PDS5A: variants seen among roughly 807,000 people sequenced by gnomAD.
PDS5A encodes PDS5 cohesin associated factor A.
Under a neutral mutation model 167.1 loss-of-function variants are expected in PDS5A, and 42 were observed. The observed-to-expected ratio is 0.25, with a 90% confidence interval of 0.20 to 0.33. PDS5A has a LOEUF of 0.33. PDS5A is among the 10% of genes least tolerant of loss of function. The probability of loss-of-function intolerance (pLI) is 1.00; values close to 1 mark genes in which losing one functional copy is unlikely to be tolerated. For synonymous variants in PDS5A, 553 were observed against 554.6 expected (o/e 1.00, Z 0.04); for missense variants, 1,033 against 1,605.9 (o/e 0.64, Z 6.10).
chr4:39,943,997 G>A (rs957948701), intron 2 of PDS5A, among the ~76,000 whole-genome samples: 42 of 151,594 alleles, frequency 2.8e-4, no homozygotes, highest in Non-Finnish European at 5.2e-4. Context: ...CTAACACAGT[G>A]AAACCCCATC....
chr4:39,974,320 G>T, intron 2 of PDS5A: 2 of 522,576 alleles, frequency 3.8e-6, no homozygotes, highest in Non-Finnish European at 7.7e-6. Flanking sequence ...TGTCAACAGA[G>T]CGGTTGCTAA....
At chr4:39,948,210 CAAAA>C (rs35177594) in intron 2 of PDS5A, among the ~76,000 whole-genome samples, 1 of 96,458 alleles carries the variant, frequency 1.0e-5, no homozygotes, top group Non-Finnish European at 2.0e-5. Context: ...TATCCCGTCT[CAAAA>C]AAAAAAAAAA....
At chr4:39,930,011 C>T (rs1352479699) in intron 2 of PDS5A, among the ~76,000 whole-genome samples, 4 of 150,172 alleles carry the variant, frequency 2.7e-5, no homozygotes, top group Admixed American at 6.7e-5. Flanking sequence ...GTCAGAAGAT[C>T]GAGACCATCC....
At chr4:39,832,966 G>A (rs1445130167) in intron 32 of PDS5A, among the ~76,000 whole-genome samples, 1 of 151,216 alleles carries the variant, frequency 6.6e-6, no homozygotes, top group African/African-American at 2.4e-5. Flanking sequence ...GACCAGTCTG[G>A]CCAACATAGT....
intron 2 of PDS5A, among the ~76,000 whole-genome samples, chr4:39,928,963 G>GA (rs980970867): frequency 3.3e-5 from 5 of 151,464 alleles, no homozygotes; most frequent in South Asian, 2.1e-4. Context: ...AAAGAATCAT[G>GA]AAAAAAAATA....
chr4:39,837,610 T>C lies in PDS5A; in HGVS notation c.4010+246A>G, dbSNP rs532305402. The stretch of plus-strand genomic sequence containing the variant: ...GAAATATTTGTCTTGTTAATAAAAA[T>C]AGAAATATCAAAATACCATATCCTA... On this transcript the variant is annotated intron_variant, in intron 32 of 32. Transcript: ENST00000303538. The C allele has an allele frequency of 7.6e-5, 32 of 422,504 alleles. No individual in the cohort carries two copies. The South Asian group carries it at 1.5e-3, about 19-fold the overall frequency. 26.2% of individuals were successfully genotyped at this position (422,504 alleles called of 1,614,324 possible).
intron 6 of PDS5A, 136 bp downstream of exon 6, chr4:39,922,486 T>C (rs1437513354): frequency 1.6e-6 from 1 of 641,698 alleles, no homozygotes; most frequent in Non-Finnish European, 2.3e-6. Context: ...GACTAATGCA[T>C]GTTATTTTAT....
At chr4:39,929,540 T>C (rs1331047588) in intron 2 of PDS5A, among the ~76,000 whole-genome samples, 79 of 98,606 alleles carry the variant, frequency 8.0e-4, no homozygotes, top group Middle Eastern at 5.8e-3. Context: ...TATATATATA[T>C]ATATATATAT....
intron 23 of PDS5A, among the ~76,000 whole-genome samples, chr4:39,864,452 T>C (rs971742988): frequency 1.2e-4 from 18 of 152,332 alleles, no homozygotes; most frequent in African/African-American, 4.1e-4. Context: ...ACTGTGGATT[T>C]TTATTACTTA....
chr4:39,956,567 C>T (rs114920563), intron 2 of PDS5A, among the ~76,000 whole-genome samples: 5,087 of 149,396 alleles, frequency 0.034, 214 homozygotes, highest in East Asian at 0.23. Flanking sequence ...AGCTATACAA[C>T]ATTATTTCAA....
intron 13 of PDS5A, among the ~76,000 whole-genome samples, chr4:39,901,924 C>T (rs1722919671): frequency 6.6e-6 from 1 of 152,086 alleles, no homozygotes. Context: ...GTAAAAATAT[C>T]AATAGTGATC....
At chr4:39,836,530 G>A (rs1322057991) in intron 32 of PDS5A, among the ~76,000 whole-genome samples, 1 of 151,838 alleles carries the variant, frequency 6.6e-6, no homozygotes, top group Non-Finnish European at 1.5e-5. Flanking sequence ...TGCCTCCTGG[G>A]CTCAAGTGAT....
At chr4:39,838,406 T>C (rs915136658) in intron 31 of PDS5A, among the ~76,000 whole-genome samples, 198 bp from the exon 32 acceptor site, 3 of 152,218 alleles carry the variant, frequency 2.0e-5, no homozygotes, top group African/African-American at 7.2e-5. Flanking sequence ...ATAGCATATA[T>C]AATGTGCTCA....
At chr4:39,888,810 AAG>A (rs1411635297) in intron 17 of PDS5A, among the ~76,000 whole-genome samples, 1 of 152,180 alleles carries the variant, frequency 6.6e-6, no homozygotes, top group Non-Finnish European at 1.5e-5. Flanking sequence ...AGGCGGAATG[AAG>A]AGAGGTTAAT....
chr4:39,955,433 C>A (rs1728831673), intron 2 of PDS5A, among the ~76,000 whole-genome samples: 1 of 151,848 alleles, frequency 6.6e-6, no homozygotes. Context: ...GAAACCCCGT[C>A]TCTACCAAAA....
intron 17 of PDS5A, among the ~76,000 whole-genome samples, chr4:39,886,791 A>G (rs540892079): frequency 6.6e-6 from 1 of 151,860 alleles, no homozygotes; most frequent in Non-Finnish European, 1.5e-5. Flanking sequence ...TGTTTCCGTT[A>G]ATTTCCTCCA....
chr4:39,901,368 A>G (rs1257558904), intron 13 of PDS5A, among the ~76,000 whole-genome samples: 1 of 150,790 alleles, frequency 6.6e-6, no homozygotes, highest in Non-Finnish European at 1.5e-5. Flanking sequence ...CCTGGGTTCA[A>G]GCAATTCTCC....
chr4:39,876,732 A>C (rs1333724053), intron 19 of PDS5A, among the ~76,000 whole-genome samples: 1 of 152,244 alleles, frequency 6.6e-6, no homozygotes, highest in Non-Finnish European at 1.5e-5. Context: ...TTCTGTGATA[A>C]CTTTTGATTC....
rs978766942 is a variant in PDS5A, at chr4:39,836,141, G to A, written c.4010+1715C>T. On this transcript the variant is annotated intron_variant, in intron 32 of 32. Transcript: ENST00000303538. The stretch of plus-strand genomic sequence containing the variant: ...TTATATTTACTGATCCATTTAATTC[G>A]TAGAGCAACCCTTTAAGATACATAC... Among the ~76,000 whole-genome samples, 7 of 152,110 alleles carry A rather than the reference G, an allele frequency of 4.6e-5. No individual in the cohort carries two copies. The East Asian group carries it at 1.3e-3, about 29-fold the overall frequency.
Sources: allele counts gnomAD v4.1 joint callset (sites outside exome capture counted in the v4.1 genomes callset), GRCh38; gene constraint gnomAD v4.1.1; transcripts MANE v1.5; gene names NCBI Gene and HGNC (gene_info 2026-07-23, HGNC 2026-07-21).